Variants in ITIH3 observed in about 807,000 individuals in gnomAD.
ITIH3 encodes inter-alpha-trypsin inhibitor heavy chain 3.
A neutral mutation model predicts 96.5 loss-of-function variants in ITIH3; 81 were observed. The ratio of observed to expected loss-of-function variants is 0.84; its 90% confidence interval spans 0.70 to 1.01. The LOEUF is 1.01. Ranked by LOEUF, ITIH3 falls within the 50% of genes least tolerant of loss-of-function variation. ITIH3 has a pLI of 0.00. For synonymous variants in ITIH3, 422 were observed against 445.2 expected (o/e 0.95, Z 0.66); for missense variants, 1,057 against 1,139.3 (o/e 0.93, Z 1.04).
intron 14 of ITIH3, chr3:52,804,485 T>G (rs1302216660): frequency 1.3e-5 from 7 of 543,274 alleles, no homozygotes; most frequent in Middle Eastern, 1.0e-3. Context: ...ACAGGGTCTG[T>G]GTGTGGTGGT....
At position 52,800,881 on chromosome 3, in the gene ITIH3, C is replaced by A. The variant is rs947179379; in HGVS notation, c.1202-84C>A. 4.5e-6 allele frequency: 7 copies of A among 1,556,744 alleles called. No homozygotes were observed. The African/African-American group carries it at 9.5e-5, about 21-fold the overall frequency. ...CGTGACTCCAGCAACTCTGCATGTG[C>A]AGGAGTCCGGTCTCCCCAGACAGAG... On this transcript the variant is annotated intron_variant, in intron 10 of 21. Coordinates refer to ENST00000449956, the MANE Select transcript of ITIH3 (RefSeq NM_002217.4).
At chr3:52,806,551 G>A in intron 18 of ITIH3, 145 bp downstream of exon 18, 2 of 660,406 alleles carry the variant, frequency 3.0e-6, no homozygotes, top group South Asian at 3.9e-5. Context: ...GGTGGGGAGT[G>A]CCCAGGGCCA....
At chr3:52,799,982 C>A in intron 9 of ITIH3, 61 bp downstream of exon 9, 2 of 1,513,702 alleles carry the variant, frequency 1.3e-6, no homozygotes, top group Non-Finnish European at 1.8e-6. Flanking sequence ...CCCTGAGCAG[C>A]CTGCAACCCC....
In ITIH3 at chr3:52,805,396, C is replaced by T. The variant is rs866672639; in HGVS notation, c.1874-412C>T. On this transcript the variant is annotated intron_variant, in intron 15 of 21. Transcript: ENST00000449956. ...ATGTGAGTACATATATGCATGTGCACGCATATGTGTGCGCCTGTGTGCACG... is the reference window on the plus strand; with the variant it reads ...ATGTGAGTACATATATGCATGTGCATGCATATGTGTGCGCCTGTGTGCACG... The T allele has an allele frequency of 4.2e-5, 43 of 1,031,758 alleles. No homozygotes were observed. The Middle Eastern group carries it at 1.8e-3, about 43-fold the overall frequency. 63.9% of individuals were successfully genotyped at this position (1,031,758 alleles called of 1,614,324 possible).
rs1481875761 is a variant in ITIH3, at chr3:52,801,095, T to G, written c.1332T>G (p.His444Gln). ...NFLENMALEN[H>Q]GFARRIYEDS... The stretch of plus-strand genomic sequence containing the variant: ...TGGAGAACATGGCCCTGGAGAACCA[T>G]GGGTTTGCCCGGCGCATTTATGAGG... Residue 444 changes from histidine (H) to glutamine (Q), a missense_variant, in exon 11 of 22, where the codon CAT becomes CAG. His to Gln is a conservative substitution (Grantham distance 24). Transcript: ENST00000449956. 3 of 1,607,786 alleles carry G rather than the reference T, an allele frequency of 1.9e-6. No individual in the cohort carries two copies. Among genetic ancestry groups the G allele is most frequent in the African/African-American group, 1.3e-5 (1 of 74,922 alleles).
chr3:52,800,014 C>A, intron 9 of ITIH3, 93 bp downstream of exon 9: 2 of 1,225,010 alleles, frequency 1.6e-6, no homozygotes, highest in South Asian at 1.4e-5. Context: ...CTCTGCTGGT[C>A]TCAGGCCCTC....
In ITIH3 at chr3:52,802,520, G is replaced by A. The variant is rs1699876123; in HGVS notation, c.1569+1G>A. 3 of 1,613,716 alleles carry A rather than the reference G, an allele frequency of 1.9e-6. No individual in the cohort carries two copies. The highest frequency in any genetic ancestry group is 2.5e-6 in the Non-Finnish European group (3 of 1,179,864). On this transcript the variant is annotated splice_donor_variant, in intron 12 of 21. Coordinates refer to ENST00000449956, the MANE Select transcript of ITIH3 (RefSeq NM_002217.4). LOFTEE classifies it high-confidence loss of function. ...TAAGGCAGATGTGAAGGGCCATGGG[G>A]TGAGTGGGGACAGGGCCTGGAAGTG...
chr3:52,795,319 G>T (rs2154109246), intron 1 of ITIH3, among the ~76,000 whole-genome samples: 1 of 152,294 alleles, frequency 6.6e-6, no homozygotes, highest in South Asian at 2.1e-4. Flanking sequence ...AATGAGGTGG[G>T]GCATGTAGGG....
At chr3:52,807,599 C>G in intron 19 of ITIH3, 148 bp from the exon 20 acceptor site, 1 of 687,196 alleles carries the variant, frequency 1.5e-6, no homozygotes, top group South Asian at 1.9e-5. Flanking sequence ...ATGAGGCATC[C>G]TCTTTCCAAC....
At chr3:52,804,115 G>A (rs1339146014) in intron 14 of ITIH3, 106 bp downstream of exon 14, 2 of 1,250,786 alleles carry the variant, frequency 1.6e-6, no homozygotes, top group East Asian at 2.5e-5. Context: ...CAGACCTGCT[G>A]AAGTAGGGCA....
rs1699882955 is a variant in ITIH3, at chr3:52,802,704, T to C, written c.1607T>C (p.Met536Thr). Residue 536 changes from methionine to threonine, a missense_variant, in exon 13 of 22, where the codon ATG (methionine) becomes ACG (threonine). Coordinates refer to ENST00000449956, the MANE Select transcript of ITIH3 (RefSeq NM_002217.4). The part of the protein sequence containing the change: ...NDLTFTEEVD[M>T]KEMEKALQER... ...CTGACCTTCACAGAGGAGGTGGACA[T>C]GAAGGAGATGGAGAAGGCCCTGCAG... The C allele has an allele frequency of 6.2e-7, 1 of 1,613,902 alleles. No homozygotes were observed.
At chr3:52,805,677 C>A in intron 15 of ITIH3, 131 bp from the exon 16 acceptor site, 1 of 1,516,162 alleles carries the variant, frequency 6.6e-7, no homozygotes, top group South Asian at 1.3e-5. Context: ...TCTTTGTAGT[C>A]ACATCTCCAC....
rs1699702074 is a variant in ITIH3 at position 52,799,009 on chromosome 3, G to A, written c.707G>A (p.Cys236Tyr). The change falls in exon 7 of 22, where the codon TGC becomes TAC. Residue 236 changes from cysteine (C) to tyrosine (Y), a missense_variant. Transcript: ENST00000449956. ...FKPSLDQQRSCPTCTDSLLNG... is the reference protein window; with the variant it reads ...FKPSLDQQRSYPTCTDSLLNG... Reference sequence around the variant, plus strand: ...CCCAGCTTAGACCAACAGCGTTCATGCCCAACCTGTACAGACTCCCTCCTC... The same window carrying A: ...CCCAGCTTAGACCAACAGCGTTCATACCCAACCTGTACAGACTCCCTCCTC... 6.2e-7 allele frequency: 1 copy of A among 1,613,618 alleles called. No homozygotes were observed. The highest frequency in any genetic ancestry group is 8.5e-7 in the Non-Finnish European group (1 of 1,179,740).
intron 13 of ITIH3, 36 bp from the exon 14 acceptor site, chr3:52,803,819 C>T: frequency 6.2e-7 from 1 of 1,611,328 alleles, no homozygotes; most frequent in Non-Finnish European, 8.5e-7. Context: ...GGGTGCTGCT[C>T]TCCAGGCTGT....
intron 15 of ITIH3, chr3:52,805,320 G>A (rs919087628): frequency 3.2e-4 from 318 of 1,008,174 alleles, no homozygotes; most frequent in Non-Finnish European, 3.6e-4. Flanking sequence ...GGCACATTTG[G>A]ACTGGGCCAT....
At chr3:52,803,762 G>A (rs1256366512) in intron 13 of ITIH3, 93 bp from the exon 14 acceptor site, 5 of 1,411,332 alleles carry the variant, frequency 3.5e-6, no homozygotes, top group Admixed American at 3.9e-5. Flanking sequence ...AAGGTGGAGT[G>A]GGGATCCCCA....
At chr3:52,806,234 G>A in intron 17 of ITIH3, 59 bp from the exon 18 acceptor site, 1 of 1,596,988 alleles carries the variant, frequency 6.3e-7, no homozygotes, top group Non-Finnish European at 8.6e-7. Context: ...AAGGCTGGGG[G>A]AGGCCCCAGG....
In ITIH3 at chr3:52,806,086, T is replaced by A; in HGVS notation, c.1907-17T>A. 6.3e-7 allele frequency: 1 copy of A among 1,594,792 alleles called. No homozygotes were observed. Among genetic ancestry groups the A allele is most frequent in the Non-Finnish European group, 8.5e-7 (1 of 1,170,536 alleles). ...GCCACTTGCTTAGCTCAGCCCTCTC[T>A]CCCTTTGTATCTGCAGCCAGCTACC... On this transcript the variant is annotated splice_polypyrimidine_tract_variant and intron_variant, in intron 16 of 21. Coordinates refer to ENST00000449956, the MANE Select transcript of ITIH3 (RefSeq NM_002217.4).
In ITIH3 at chr3:52,806,397, G is replaced by C. The variant is rs2154110472; in HGVS notation, c.2047G>C (p.Ala683Pro). ...CACAGTGCTGCGCCTTATTCAGGAT[G>C]CAGTCACAGGTGAGGCTTGTGGGCT... ...PGTVLRLIQD[A>P]VTGLTVNGQI... Residue 683 changes from alanine (A) to proline (P), a missense_variant, in exon 18 of 22, where the codon GCA becomes CCA. Coordinates refer to ENST00000449956, the MANE Select transcript of ITIH3 (RefSeq NM_002217.4). 9 of 1,612,512 alleles carry C rather than the reference G, an allele frequency of 5.6e-6. No individual in the cohort carries two copies. The highest frequency in any genetic ancestry group is 7.6e-6 in the Non-Finnish European group (9 of 1,179,014).
Sources: allele counts gnomAD v4.1 joint callset (sites outside exome capture counted in the v4.1 genomes callset), GRCh38; gene constraint gnomAD v4.1.1; transcripts MANE v1.5; gene names NCBI Gene and HGNC (gene_info 2026-07-23, HGNC 2026-07-21).